Variants in TMTC3 observed in about 807,000 individuals in gnomAD.
The protein encoded by TMTC3 is transmembrane O-mannosyltransferase targeting cadherins 3, also known as protein O-mannosyl-transferase TMTC3.
In TMTC3, 52 loss-of-function variants were observed where a neutral mutation model predicts 92.2. The ratio of observed to expected loss-of-function variants is 0.56; its 90% CI spans 0.45 to 0.71. The LOEUF (loss-of-function observed/expected upper bound fraction) is 0.71. Among genes scored for constraint, TMTC3 ranks in the 30% least tolerant of loss-of-function variants. The pLI is 0.00. For synonymous variants in TMTC3, 339 were observed against 363.3 expected (o/e 0.93, Z 0.76); for missense variants, 896 against 1,057.1 (o/e 0.85, Z 2.11).
At position 88,196,307 on chromosome 12, in the gene TMTC3, T is replaced by C. The variant is rs998776000; in HGVS notation, c.*658T>C. 1.3e-5 allele frequency: 2 copies of C among 152,458 alleles called. No individual in the cohort carries two copies. The highest frequency in any genetic ancestry group is 4.8e-5 in the African/African-American group (2 of 41,444). 9.4% of individuals were successfully genotyped at this position (152,458 alleles called of 1,614,324 possible). A position where few individuals can be genotyped will look rare whatever the true frequency, so the allele number is the denominator to read the frequency against. On this transcript the variant is annotated 3_prime_UTR_variant, in exon 14 of 14. Transcript: ENST00000266712. Reference sequence around the variant, plus strand: ...AAAGTTTGACACATGTATAGCTACATACACACATTTTTAATGGTGCTCATA... The same window carrying C: ...AAAGTTTGACACATGTATAGCTACACACACACATTTTTAATGGTGCTCATA...
Position 88,153,434 on chromosome 12 carries a change from C to T in TMTC3, c.333C>T (p.Cys111=), listed in dbSNP as rs1472063926. The change falls in exon 3 of 14, where the codon TGC becomes TGT. Residue 111 remains cysteine (C), a synonymous_variant. Coordinates refer to ENST00000266712, the MANE Select transcript of TMTC3 (RefSeq NM_181783.4). The part of the protein sequence containing the change: ...AVVSVIFLKV[C]KLFLDNKSSV... ...TTAGTGTGATATTTCTCAAAGTATGCAAACTTTTTCTGGACAACAAGAGTA... is the reference window on the plus strand; with the variant it reads ...TTAGTGTGATATTTCTCAAAGTATGTAAACTTTTTCTGGACAACAAGAGTA... The T allele has an allele frequency of 6.2e-7, 1 of 1,613,438 alleles. No homozygotes were observed. The highest frequency in any genetic ancestry group is 2.2e-5 in the East Asian group (1 of 44,828).
Position 88,176,237 on chromosome 12 carries a change from T to C in TMTC3, c.1350T>C (p.Asn450=). The change falls in exon 10 of 14, where the codon AAT becomes AAC. Residue 450 remains asparagine, a synonymous_variant. Coordinates refer to ENST00000266712, the MANE Select transcript of TMTC3 (RefSeq NM_181783.4). ...KVNKNNAKLW[N]NVGHALENEK... ...ATAAAAATAATGCCAAACTTTGGAA[T>C]AATGTGGGTCATGCTCTGGAAAATG... 6.2e-7 allele frequency: 1 copy of C among 1,611,030 alleles called. No homozygotes were observed. The highest frequency in any genetic ancestry group is 8.5e-7 in the Non-Finnish European group (1 of 1,178,642).
chr12:88,158,952 T>C (rs546784478), intron 4 of TMTC3, among the ~76,000 whole-genome samples: 4 of 150,534 alleles, frequency 2.7e-5, no homozygotes, highest in African/African-American at 9.8e-5. Context: ...CTCGGGAGGC[T>C]GAGGCAGGAG....
chr12:88,173,869 A>G (rs2041230976), intron 8 of TMTC3, among the ~76,000 whole-genome samples: 1 of 152,116 alleles, frequency 6.6e-6, no homozygotes, highest in Admixed American at 6.6e-5. Context: ...CAGCTAGTAA[A>G]TAACAGTCTT....
intron 10 of TMTC3, among the ~76,000 whole-genome samples, chr12:88,179,869 G>A (rs2138419981): frequency 6.6e-6 from 1 of 152,270 alleles, no homozygotes; most frequent in South Asian, 2.1e-4. Flanking sequence ...CTGGAGACAG[G>A]AGTAAACAAA....
chr12:88,158,983 C>CA (rs1412126414), intron 4 of TMTC3, among the ~76,000 whole-genome samples: 1 of 145,344 alleles, frequency 6.9e-6, no homozygotes, highest in Admixed American at 7.2e-5. Flanking sequence ...AGCTGGGAGG[C>CA]AGAGGTTGCA....
At chr12:88,172,917 C>G (rs1266370325) in intron 8 of TMTC3, 172 bp downstream of exon 8, 1 of 1,500,418 alleles carries the variant, frequency 6.7e-7, no homozygotes, top group Non-Finnish European at 8.9e-7. Flanking sequence ...CTCCATGGCA[C>G]CTACTTATTC....
rs144470610 is a variant in TMTC3, at chr12:88,160,092, A to G, written c.509-22A>G. ...ATAAAATTGTTTTCTGAATTTTTAT[A>G]TTTTCTGTTCTCAAATTGCAGTATG... On this transcript the variant is annotated intron_variant, in intron 4 of 13. Transcript: ENST00000266712. 1.8e-4 allele frequency: 268 copies of G among 1,470,690 alleles called. 1 individual carries two copies. The African/African-American group carries it at 3.6e-3, about 20-fold the overall frequency. The allele number at this position is 1,470,690 out of a possible 1,614,324, so 91.1% of individuals were successfully genotyped here. A position where few individuals can be genotyped will look rare whatever the true frequency, so the allele number is the denominator to read the frequency against.
At chr12:88,150,850 T>C (rs546947345) in intron 2 of TMTC3, among the ~76,000 whole-genome samples, 37 of 152,228 alleles carry the variant, frequency 2.4e-4, no homozygotes, top group African/African-American at 8.9e-4. Flanking sequence ...AAGACACATT[T>C]TGGGCTTAGG....
At chr12:88,185,973 AT>A (rs1176087039) in intron 10 of TMTC3, among the ~76,000 whole-genome samples, 1 of 152,154 alleles carries the variant, frequency 6.6e-6, no homozygotes, top group Non-Finnish European at 1.5e-5. Context: ...TTTATGAAGG[AT>A]AGAGAGTTCC....
intron 10 of TMTC3, among the ~76,000 whole-genome samples, chr12:88,178,656 C>A (rs188195602): frequency 2.0e-5 from 3 of 152,096 alleles, no homozygotes; most frequent in Non-Finnish European, 4.4e-5. Context: ...GGGTCCTATA[C>A]GCAGTCAGCA....
chr12:88,149,663 G>A (rs983521508), intron 2 of TMTC3, among the ~76,000 whole-genome samples: 1 of 151,976 alleles, frequency 6.6e-6, no homozygotes, highest in African/African-American at 2.4e-5. Context: ...TATGTTTCTC[G>A]GTCATTGTGG....
chr12:88,155,638 A>G (rs907289800), intron 4 of TMTC3, among the ~76,000 whole-genome samples: 1 of 152,176 alleles, frequency 6.6e-6, no homozygotes. Flanking sequence ...TCTCATTTAT[A>G]CACTATTCTA....
intron 1 of TMTC3, among the ~76,000 whole-genome samples, chr12:88,147,767 T>G (rs1336569931): frequency 6.8e-6 from 1 of 148,032 alleles, no homozygotes; most frequent in Non-Finnish European, 1.5e-5. Flanking sequence ...GCATTTTGGG[T>G]GAAAAAAAAA....
chr12:88,165,963 C>T (rs1452287134), intron 6 of TMTC3, among the ~76,000 whole-genome samples: 1 of 152,134 alleles, frequency 6.6e-6, no homozygotes, highest in African/African-American at 2.4e-5. Context: ...ATTCATACAA[C>T]ACATACAACC....
In TMTC3 at chr12:88,154,287, G is replaced by A; in HGVS notation, c.409-1G>A. 6.3e-7 allele frequency: 1 copy of A among 1,596,674 alleles called. No homozygotes were observed. ...GAACCCCCTTCATTTTTCCTTTCTA[G>A]GTAACAGGAGTTGTTGGAAGAGCAG... On this transcript the variant is annotated splice_acceptor_variant, in intron 3 of 13. Transcript: ENST00000266712. LOFTEE classifies it high-confidence loss of function.
chr12:88,163,072 C>T (rs1381958953), intron 6 of TMTC3, among the ~76,000 whole-genome samples: 5 of 152,108 alleles, frequency 3.3e-5, no homozygotes, highest in South Asian at 2.1e-4. Flanking sequence ...TGCGCCACCA[C>T]GCCCAGCTGA....
Position 88,156,147 on chromosome 12 carries a change from T to G in TMTC3, c.508+1760T>G, listed in dbSNP as rs548762392. On this transcript the variant is annotated intron_variant, in intron 4 of 13. Coordinates refer to ENST00000266712, the MANE Select transcript of TMTC3 (RefSeq NM_181783.4). ...TATTTGAAATTCTTGGTCTGTCTCTTTAAGTAATTCTGATTTAGTAGTATA... is the reference window on the plus strand; with the variant it reads ...TATTTGAAATTCTTGGTCTGTCTCTGTAAGTAATTCTGATTTAGTAGTATA... Among the ~76,000 whole-genome samples, 3 of 152,202 alleles carry G rather than the reference T, an allele frequency of 2.0e-5. No homozygotes were observed. In the East Asian group the frequency reaches 5.8e-4, roughly 29 times the overall value.
At chr12:88,150,225 C>A (rs1250305904) in intron 2 of TMTC3, among the ~76,000 whole-genome samples, 1 of 152,130 alleles carries the variant, frequency 6.6e-6, no homozygotes, top group East Asian at 1.9e-4. Context: ...CTTCACATAG[C>A]AAAAGCAGGA....
Sources: gnomAD v4.1 joint callset for allele counts (sites outside exome capture counted in the v4.1 genomes callset) on GRCh38, gnomAD v4.1.1 for gene constraint, MANE v1.5 for transcripts, NCBI Gene and HGNC (gene_info 2026-07-23, HGNC 2026-07-21) for gene names.